MOXD1: variants seen among roughly 807,000 people sequenced by gnomAD.
The protein encoded by MOXD1 is monooxygenase DBH like 1.
Under a neutral mutation model 66.6 loss-of-function variants are expected in MOXD1, and 62 were observed. The ratio of observed to expected loss-of-function variants is 0.93; its 90% confidence interval spans 0.76 to 1.15. The LOEUF is 1.15. MOXD1 is among the 50% of genes most tolerant of loss of function. The pLI is 0.00. For missense variants in MOXD1, 847 were observed against 754.6 expected (o/e 1.12, Z -1.44); for synonymous variants, 303 against 281.9 (o/e 1.07, Z -0.75).
At chr6:132,314,960 G>C (rs532204819) in intron 10 of MOXD1, among the ~76,000 whole-genome samples, 1 of 152,154 alleles carries the variant, frequency 6.6e-6, no homozygotes, top group Admixed American at 6.5e-5. Flanking sequence ...CCTCAGAAAG[G>C]CCTGCTTGCA....
intron 10 of MOXD1, among the ~76,000 whole-genome samples, chr6:132,312,927 T>C (rs556761611): frequency 5.9e-5 from 9 of 152,246 alleles, no homozygotes; most frequent in Non-Finnish European, 1.0e-4. Flanking sequence ...TTCCATTCAA[T>C]ATGTAAAAAA....
chr6:132,369,525 C>T (rs2114656888), intron 4 of MOXD1, among the ~76,000 whole-genome samples: 1 of 151,984 alleles, frequency 6.6e-6, no homozygotes, highest in Admixed American at 6.6e-5. Context: ...TACAGAAGCA[C>T]TTGATGGCTT....
intron 4 of MOXD1, among the ~76,000 whole-genome samples, chr6:132,362,598 T>A (rs1776036222): frequency 6.6e-6 from 1 of 152,166 alleles, no homozygotes. Flanking sequence ...AACTGCCAAG[T>A]GAAAAATGTT....
chr6:132,333,529 G>A (rs796118862), intron 4 of MOXD1, among the ~76,000 whole-genome samples: 10 of 152,140 alleles, frequency 6.6e-5, no homozygotes, highest in East Asian at 3.9e-4. Context: ...GAAAGTATAC[G>A]AATATAGATA....
At chr6:132,341,293 G>C (rs1775556778) in intron 4 of MOXD1, among the ~76,000 whole-genome samples, 1 of 152,130 alleles carries the variant, frequency 6.6e-6, no homozygotes, top group South Asian at 2.1e-4. Context: ...CTTGGAATCG[G>C]ACAATAGCTT....
chr6:132,321,590 G>A (rs964632549), intron 8 of MOXD1, among the ~76,000 whole-genome samples: 3 of 152,108 alleles, frequency 2.0e-5, no homozygotes, highest in African/African-American at 4.8e-5. Flanking sequence ...ACCTGAGGCC[G>A]TAATCTCTGG....
In MOXD1 at chr6:132,324,042, A is replaced by G. The variant is rs769504838; in HGVS notation, c.1002T>C (p.Tyr334=). 1.9e-6 allele frequency: 3 copies of G among 1,613,930 alleles called. No homozygotes were observed. The highest frequency in any genetic ancestry group is 1.7e-6 in the Non-Finnish European group (2 of 1,179,882). Residue 334 remains tyrosine, a synonymous_variant, in exon 7 of 12, where the codon TAT becomes TAC. Coordinates refer to ENST00000367963, the MANE Select transcript of MOXD1 (RefSeq NM_015529.4). ...RLFYTMDIRK[Y]DAGVIEAGLW... is the part of the protein sequence containing the mutation. Reference sequence around the variant, plus strand: ...GGCCAGCCTCAATCACCCCAGCATCATATTTCCTTATATCCATTGTGTAAA... The same window carrying G: ...GGCCAGCCTCAATCACCCCAGCATCGTATTTCCTTATATCCATTGTGTAAA...
intron 10 of MOXD1, among the ~76,000 whole-genome samples, chr6:132,302,851 T>C (rs1001073524): frequency 2.6e-5 from 4 of 152,084 alleles, no homozygotes; most frequent in Admixed American, 6.6e-5. Context: ...GCTAAACATA[T>C]AGAGCAATGA....
At chr6:132,336,819 G>A (rs1174485833) in intron 4 of MOXD1, among the ~76,000 whole-genome samples, 4 of 152,166 alleles carry the variant, frequency 2.6e-5, no homozygotes, top group Non-Finnish European at 4.4e-5. Context: ...CTGTAATCCC[G>A]AATTCTCATG....
Position 132,296,959 on chromosome 6 carries a change from C to A in MOXD1, c.*194G>T. Reference sequence around the variant, plus strand: ...TTTATTGACCATGTATATATAACATCAGATATTTCTAAGAAAGAGAAGAGA... The same window carrying A: ...TTTATTGACCATGTATATATAACATAAGATATTTCTAAGAAAGAGAAGAGA... On this transcript the variant is annotated 3_prime_UTR_variant, in exon 12 of 12. Coordinates refer to ENST00000367963, the MANE Select transcript of MOXD1 (RefSeq NM_015529.4). The A allele has an allele frequency of 7.9e-6, 4 of 506,416 alleles. No individual in the cohort carries two copies. Among genetic ancestry groups the A allele is most frequent in the African/African-American group, 5.7e-5 (3 of 52,916 alleles). 31.4% of individuals were successfully genotyped at this position (506,416 alleles called of 1,614,324 possible).
intron 1 of MOXD1, among the ~76,000 whole-genome samples, chr6:132,395,550 A>G (rs954847616): frequency 1.3e-5 from 2 of 152,168 alleles, no homozygotes; most frequent in East Asian, 3.8e-4. Context: ...CCGGAATGTA[A>G]ACAAATTAAA....
At chr6:132,357,345 A>G (rs1225344092) in intron 4 of MOXD1, among the ~76,000 whole-genome samples, 1 of 152,146 alleles carries the variant, frequency 6.6e-6, no homozygotes, top group Non-Finnish European at 1.5e-5. Context: ...TTACCACTGA[A>G]AAAAGAACTT....
At chr6:132,396,375 G>T (rs1331064084) in intron 1 of MOXD1, among the ~76,000 whole-genome samples, 2 of 152,124 alleles carry the variant, frequency 1.3e-5, no homozygotes, top group Middle Eastern at 6.8e-3. Context: ...ATAGGGTACA[G>T]TAAAAGCAGT....
intron 11 of MOXD1, among the ~76,000 whole-genome samples, chr6:132,297,580 C>T (rs1215020215): frequency 6.6e-6 from 1 of 152,160 alleles, no homozygotes; most frequent in Admixed American, 6.5e-5. Flanking sequence ...CTATCCCAAC[C>T]TTAGTTTTAG....
Position 132,386,957 on chromosome 6 carries a change from G to A in MOXD1, c.265-12180C>T, listed in dbSNP as rs1449684346. Reference sequence around the variant, plus strand: ...CCTGAGCAAGACTGTACACTACAACGCCAAAGACAATGATCATGTCTTTCT... The same window carrying A: ...CCTGAGCAAGACTGTACACTACAACACCAAAGACAATGATCATGTCTTTCT... On this transcript the variant is annotated intron_variant, in intron 1 of 11. Transcript: ENST00000367963. Among the ~76,000 whole-genome samples the A allele has an allele frequency of 3.3e-5, 5 of 151,074 alleles. 1 individual carries two copies. Among genetic ancestry groups the A allele is most frequent in the Admixed American group, 2.0e-4 (3 of 15,084 alleles).
intron 10 of MOXD1, among the ~76,000 whole-genome samples, chr6:132,312,930 G>A (rs1338491577): frequency 1.3e-5 from 2 of 151,832 alleles, no homozygotes; most frequent in African/African-American, 4.8e-5. Context: ...CATTCAATAT[G>A]TAAAAAATAT....
At chr6:132,353,213 T>G (rs1397923414) in intron 4 of MOXD1, among the ~76,000 whole-genome samples, 1 of 152,156 alleles carries the variant, frequency 6.6e-6, no homozygotes, top group Non-Finnish European at 1.5e-5. Flanking sequence ...GGATTTTTTG[T>G]TTTTTGTTTT....
At chr6:132,308,747 T>G (rs1336812042) in intron 10 of MOXD1, among the ~76,000 whole-genome samples, 1 of 152,138 alleles carries the variant, frequency 6.6e-6, no homozygotes, top group Non-Finnish European at 1.5e-5. Flanking sequence ...ATCCATCACA[T>G]AAACAGAATC....
chr6:132,332,490 T>C (rs1454130323), intron 4 of MOXD1, among the ~76,000 whole-genome samples: 1 of 152,146 alleles, frequency 6.6e-6, no homozygotes, highest in Non-Finnish European at 1.5e-5. Context: ...ATCAAACTCC[T>C]GAAAAATAGA....
Sources: gnomAD v4.1 joint callset for allele counts (sites outside exome capture counted in the v4.1 genomes callset) on GRCh38, gnomAD v4.1.1 for gene constraint, MANE v1.5 for transcripts, NCBI Gene and HGNC (gene_info 2026-07-23, HGNC 2026-07-21) for gene names.